The following CLCN4 variants were observed in gnomAD, a reference collection of about 807,000 sequenced individuals.
CLCN4 encodes Cl-/H+ antiporter 4, also known as H(+)/Cl(-) exchange transporter 4.
In CLCN4, 1 loss-of-function variant was observed where a neutral mutation model predicts 41.7. That is an observed-to-expected ratio of 0.02 (90% CI 0.01 to 0.11). The LOEUF (loss-of-function observed/expected upper bound fraction) is 0.11. CLCN4 is among the 10% of genes least tolerant of loss of function. The probability of loss-of-function intolerance (pLI) is 1.00; values close to 1 mark genes in which losing one functional copy is unlikely to be tolerated. For missense variants in CLCN4, 287 were observed against 661.0 expected (o/e 0.43, Z 6.20); for synonymous variants, 277 against 285.8 (o/e 0.97, Z 0.31).
chrX:10,214,364 A>G (rs1212440073), intron 11 of CLCN4, among the ~76,000 whole-genome samples: 1 of 113,040 alleles, frequency 8.8e-6, no homozygotes, highest in Non-Finnish European at 1.9e-5. Context: ...AGTCTTGGGT[A>G]GACATTCTTG....
Position 10,158,521 on chromosome X carries a change from G to A in CLCN4, c.-42G>A, listed in dbSNP as rs972011914. 5 of 296,402 alleles carry A rather than the reference G, an allele frequency of 1.7e-5. No individual in the cohort carries two copies. The highest frequency in any genetic ancestry group is 1.4e-4 in the African/African-American group (5 of 36,963). The allele number at this position is 296,402 out of a possible 1,213,427, so 24.4% of individuals were successfully genotyped here. ...GGATGCTCGAGGATGCTGTCCAGGTGGGCGGCCGCGGGCGCGATGCGGCAC... is the reference window on the plus strand; with the variant it reads ...GGATGCTCGAGGATGCTGTCCAGGTAGGCGGCCGCGGGCGCGATGCGGCAC... On this transcript the variant is annotated 5_prime_UTR_variant, in exon 2 of 13. An upstream open reading frame in the 5' UTR gains an earlier in-frame stop. Coordinates refer to ENST00000380833, the MANE Select transcript of CLCN4 (RefSeq NM_001830.4).
chrX:10,171,157 G>C (rs1286080090), intron 2 of CLCN4, among the ~76,000 whole-genome samples: 1 of 112,166 alleles, frequency 8.9e-6, no homozygotes, highest in Non-Finnish European at 1.9e-5. Context: ...CAAAGTGCTG[G>C]GGTTACAGGT....
intron 11 of CLCN4, among the ~76,000 whole-genome samples, chrX:10,216,256 C>G (rs1422729230): frequency 1.8e-5 from 2 of 112,195 alleles, no homozygotes; most frequent in African/African-American, 6.5e-5. Context: ...TCACATGAAG[C>G]TGAAAATGTT....
intron 2 of CLCN4, among the ~76,000 whole-genome samples, chrX:10,167,964 C>T (rs1351919562): frequency 8.9e-6 from 1 of 112,416 alleles, no homozygotes; most frequent in Non-Finnish European, 1.9e-5. Flanking sequence ...TAGCTGCCTT[C>T]GTTTTGCCCC....
rs550527586 is a variant in CLCN4, at chrX:10,173,649, C to T, written c.-11-11373C>T. ...TTTTCTTTCTTTGTTACCTCCTGGC[C>T]ATTCTCCAAAGTGCCTCTGCGGGGG... is the stretch of plus-strand genomic sequence containing the variant. On this transcript the variant is annotated intron_variant, in intron 2 of 12. Transcript: ENST00000380833. 1.5e-4 allele frequency among the ~76,000 whole-genome samples: 17 copies of T among 112,074 alleles called. No homozygotes were observed. In the South Asian group the frequency reaches 5.9e-3, roughly 39 times the overall value.
chrX:10,176,027 GGTTGAAAT>G (rs1923525308), intron 2 of CLCN4, among the ~76,000 whole-genome samples: 1 of 104,279 alleles, frequency 9.6e-6, no homozygotes, highest in South Asian at 4.5e-4. Context: ...AAAGCTTTAA[GGTTGAAAT>G]GTTGATGGTG....
chrX:10,211,540 A>C (rs1924553891), intron 9 of CLCN4, among the ~76,000 whole-genome samples: 1 of 111,778 alleles, frequency 8.9e-6, no homozygotes, highest in Admixed American at 9.5e-5. Flanking sequence ...GAAGCTCAGA[A>C]AGGAATGATT....
Position 10,218,239 on chromosome X carries a change from A to C in CLCN4, c.1976-2422A>C, listed in dbSNP as rs559783965. Among the ~76,000 whole-genome samples, 5 of 112,717 alleles carry C rather than the reference A, an allele frequency of 4.4e-5. No homozygotes were observed. The South Asian group carries it at 1.8e-3, about 42-fold the overall frequency. On this transcript the variant is annotated intron_variant, in intron 11 of 12. Coordinates refer to ENST00000380833, the MANE Select transcript of CLCN4 (RefSeq NM_001830.4). ...TATTGGGGAAATCAGAAGAAAAAGG[A>C]AACATTTAAAAAGCCACCTACATTC...
chrX:10,194,441 T>A (rs1924044977), intron 4 of CLCN4, among the ~76,000 whole-genome samples: 1 of 111,926 alleles, frequency 8.9e-6, no homozygotes, highest in African/African-American at 3.3e-5. Flanking sequence ...TGGTTCTCAT[T>A]TGGTGGCAAA....
rs1157077095 is a variant in CLCN4 at position 10,158,512 on chromosome X, T to C, written c.-51T>C. On this transcript the variant is annotated 5_prime_UTR_variant, in exon 2 of 13. Transcript: ENST00000380833. ...CTGAAGAAAGGATGCTCGAGGATGC[T>C]GTCCAGGTGGGCGGCCGCGGGCGCG... is the stretch of plus-strand genomic sequence containing the variant. 2 of 296,663 alleles carry C rather than the reference T, an allele frequency of 6.7e-6. No homozygotes were observed. Among genetic ancestry groups the C allele is most frequent in the Non-Finnish European group, 1.2e-5 (2 of 169,683 alleles). 24.4% of individuals were successfully genotyped at this position (296,663 alleles called of 1,213,427 possible).
rs144196267 is a variant in CLCN4 at position 10,168,621 on chromosome X, T to C, written c.-12+10070T>C. Reference sequence around the variant, plus strand: ...GATGGCTTGTTTGGGTTGCCTTTGGTCAACTTTTAATTGAAATCCATGTGC... The same window carrying C: ...GATGGCTTGTTTGGGTTGCCTTTGGCCAACTTTTAATTGAAATCCATGTGC... On this transcript the variant is annotated intron_variant, in intron 2 of 12. Transcript: ENST00000380833. 7.3e-3 allele frequency among the ~76,000 whole-genome samples: 822 copies of C among 111,966 alleles called. 3 individuals are homozygous for C. The highest frequency in any genetic ancestry group is 0.012 in the Non-Finnish European group (614 of 53,181).
chrX:10,174,650 C>T (rs952281779), intron 2 of CLCN4, among the ~76,000 whole-genome samples: 20 of 111,587 alleles, frequency 1.8e-4, no homozygotes, highest in African/African-American at 5.9e-4. Flanking sequence ...CTCCCTAATT[C>T]CCCCCACCCT....
chrX:10,216,918 T>TATATATATATATATATACACACACACAC (rs773265490), intron 11 of CLCN4, among the ~76,000 whole-genome samples: 7 of 38,927 alleles, frequency 1.8e-4, no homozygotes, highest in African/African-American at 5.6e-4. Context: ...TATATATATA[T>TATATATATATATATATACACACACACAC]ACACACACAC....
rs1925278814 is a variant in CLCN4 at position 10,237,465 on chromosome X, G to C, written c.*3881G>C. On this transcript the variant is annotated 3_prime_UTR_variant, in exon 13 of 13. Transcript: ENST00000380833. ...TAATAACTATTTATTTGCTATCCTA[G>C]AGGTGCTGGGAATGAGCCTACGTGC... 1 of 111,569 alleles carries C rather than the reference G, an allele frequency of 9.0e-6. No individual in the cohort carries two copies. The highest frequency in any genetic ancestry group is 3.3e-5 in the African/African-American group (1 of 30,669). 9.2% of individuals were successfully genotyped at this position (111,569 alleles called of 1,213,427 possible).
chrX:10,188,516 G>A (rs1051614920), intron 4 of CLCN4, among the ~76,000 whole-genome samples: 2 of 112,144 alleles, frequency 1.8e-5, no homozygotes, highest in East Asian at 2.8e-4. Context: ...GCTATCTGGA[G>A]GGGAAACACG....
intron 4 of CLCN4, among the ~76,000 whole-genome samples, chrX:10,188,660 C>T (rs1923876345): frequency 8.9e-6 from 1 of 112,258 alleles, no homozygotes; most frequent in African/African-American, 3.2e-5. Context: ...TAATAAAAAT[C>T]CCCTGCATAT....
At chrX:10,192,244 TAC>T (rs56033729) in intron 4 of CLCN4, among the ~76,000 whole-genome samples, 333 of 99,253 alleles carry the variant, frequency 3.4e-3, no homozygotes, top group Admixed American at 3.6e-3. Context: ...CTAGTGGAAG[TAC>T]ACACACACAC....
intron 2 of CLCN4, among the ~76,000 whole-genome samples, chrX:10,175,968 C>T (rs1923521681): frequency 1.4e-5 from 1 of 71,321 alleles, no homozygotes; most frequent in East Asian, 2.0e-3. Context: ...CTCTCTCTCT[C>T]TCTGTGTGTG....
intron 12 of CLCN4, among the ~76,000 whole-genome samples, chrX:10,221,144 G>C (rs1271063181): frequency 9.0e-6 from 1 of 111,177 alleles, no homozygotes; most frequent in African/African-American, 3.3e-5. Context: ...GGAGCCACAG[G>C]AGAAGGGCTT....
Sources: allele counts gnomAD v4.1 joint callset (sites outside exome capture counted in the v4.1 genomes callset), GRCh38; gene constraint gnomAD v4.1.1; transcripts MANE v1.5; gene names NCBI Gene and HGNC (gene_info 2026-07-23, HGNC 2026-07-21).